Variants in IL1RAPL1 observed in about 807,000 individuals in gnomAD.
IL1RAPL1 encodes the protein interleukin 1 receptor accessory protein like 1, also known as interleukin-1 receptor accessory protein-like 1.
A neutral mutation model predicts 48.4 loss-of-function variants in IL1RAPL1; 3 were observed. The observed-to-expected ratio is 0.06, with a 90% CI of 0.03 to 0.16. IL1RAPL1 has a LOEUF of 0.16. Among genes scored for constraint, IL1RAPL1 ranks in the 10% least tolerant of loss-of-function variants. IL1RAPL1 has a pLI of 1.00. For synonymous variants in IL1RAPL1, 185 were observed against 187.7 expected (o/e 0.99, Z 0.12); for missense variants, 349 against 530.6 (o/e 0.66, Z 3.36).
chrX:29,263,712 C>G (rs1300885774), intron 2 of IL1RAPL1, among the ~76,000 whole-genome samples: 1 of 111,218 alleles, frequency 9.0e-6, no homozygotes, highest in Non-Finnish European at 1.9e-5. Context: ...AGAAAAGGCA[C>G]TAGAGACAGT....
chrX:29,442,411 C>T (rs1353184256), intron 5 of IL1RAPL1, among the ~76,000 whole-genome samples: 2 of 111,200 alleles, frequency 1.8e-5, no homozygotes, highest in Non-Finnish European at 1.9e-5. Context: ...GTATACTGCT[C>T]AGGTGATGGG....
intron 5 of IL1RAPL1, among the ~76,000 whole-genome samples, chrX:29,509,459 A>G (rs1017676630): frequency 1.8e-5 from 2 of 112,750 alleles, no homozygotes; most frequent in African/African-American, 6.5e-5. Context: ...ACAGGTATGA[A>G]CTTTTATTGT....
intron 5 of IL1RAPL1, among the ~76,000 whole-genome samples, chrX:29,487,572 G>A (rs749805737): frequency 1.8e-5 from 2 of 112,147 alleles, no homozygotes; most frequent in South Asian, 3.7e-4. Flanking sequence ...GTTTGCAACC[G>A]TAATAGTCCT....
At chrX:29,261,735 GTTC>G (rs769946877) in intron 2 of IL1RAPL1, among the ~76,000 whole-genome samples, 2 of 110,857 alleles carry the variant, frequency 1.8e-5, no homozygotes, top group Admixed American at 1.9e-4. Flanking sequence ...TGTTTGGAAT[GTTC>G]TTCTCGCACT....
At chrX:29,230,961 T>G (rs1185676517) in intron 2 of IL1RAPL1, among the ~76,000 whole-genome samples, 1 of 111,721 alleles carries the variant, frequency 9.0e-6, no homozygotes, top group Non-Finnish European at 1.9e-5. Context: ...TTAAGAGAGC[T>G]GTTGTAAGTA....
chrX:29,815,620 A>G (rs985802291), intron 6 of IL1RAPL1, among the ~76,000 whole-genome samples: 7 of 110,829 alleles, frequency 6.3e-5, no homozygotes, highest in African/African-American at 2.3e-4. Flanking sequence ...ATTATGTTGA[A>G]TAAGGGTGGT....
At chrX:29,719,095 G>A (rs923943992) in intron 6 of IL1RAPL1, among the ~76,000 whole-genome samples, 2 of 111,716 alleles carry the variant, frequency 1.8e-5, no homozygotes, top group African/African-American at 6.5e-5. Context: ...AATAATCATT[G>A]CTTGTTGATA....
chrX:29,005,230 C>T (rs1053253516), intron 2 of IL1RAPL1, among the ~76,000 whole-genome samples: 2 of 111,632 alleles, frequency 1.8e-5, no homozygotes, highest in Non-Finnish European at 3.8e-5. Context: ...ATTATTGGTA[C>T]GTTAGATGTT....
At chrX:29,079,960 C>T (rs1927764069) in intron 2 of IL1RAPL1, among the ~76,000 whole-genome samples, 1 of 111,552 alleles carries the variant, frequency 9.0e-6, no homozygotes, top group South Asian at 3.8e-4. Flanking sequence ...AATAATTCCT[C>T]CAAGAACCGT....
chrX:29,374,402 C>T (rs1239023250), intron 3 of IL1RAPL1, among the ~76,000 whole-genome samples: 2 of 102,259 alleles, frequency 2.0e-5, no homozygotes, highest in Non-Finnish European at 3.9e-5. Flanking sequence ...GCACAATGGG[C>T]TCAAGCAATT....
intron 3 of IL1RAPL1, among the ~76,000 whole-genome samples, chrX:29,355,717 T>A (rs1349778164): frequency 8.9e-6 from 1 of 112,086 alleles, no homozygotes; most frequent in East Asian, 2.8e-4. Context: ...AAAGACCGTA[T>A]CTGTGAGTTA....
intron 2 of IL1RAPL1, among the ~76,000 whole-genome samples, chrX:29,071,186 T>C: frequency 8.9e-6 from 1 of 112,041 alleles, no homozygotes; most frequent in Admixed American, 9.5e-5. Context: ...TGTTTGTATT[T>C]TTTGTTGTGA....
At chrX:28,819,504 A>G (rs749300155) in intron 2 of IL1RAPL1, among the ~76,000 whole-genome samples, 4 of 111,355 alleles carry the variant, frequency 3.6e-5, no homozygotes, top group African/African-American at 1.3e-4. Flanking sequence ...TAAAACAAAT[A>G]TATACACTCT....
intron 2 of IL1RAPL1, among the ~76,000 whole-genome samples, chrX:29,049,482 A>C (rs894414661): frequency 8.9e-6 from 1 of 112,045 alleles, no homozygotes; most frequent in Non-Finnish European, 1.9e-5. Flanking sequence ...GAGTGGTGCA[A>C]TGGAACCGTG....
intron 2 of IL1RAPL1, among the ~76,000 whole-genome samples, chrX:29,200,601 T>A (rs1268577055): frequency 9.0e-6 from 1 of 111,505 alleles, no homozygotes; most frequent in Non-Finnish European, 1.9e-5. Context: ...AATAAAATAA[T>A]GTTTTATCAT....
At chrX:29,717,078 A>G (rs1342371714) in intron 6 of IL1RAPL1, among the ~76,000 whole-genome samples, 1 of 111,050 alleles carries the variant, frequency 9.0e-6, no homozygotes, top group Non-Finnish European at 1.9e-5. Context: ...ACTATTGATA[A>G]GTCTTCATAG....
chrX:29,850,999 A>C (rs1166260589), intron 6 of IL1RAPL1, among the ~76,000 whole-genome samples: 1 of 111,649 alleles, frequency 9.0e-6, no homozygotes, highest in Non-Finnish European at 1.9e-5. Context: ...GGAATTTGAC[A>C]TCTGAATCCC....
At chrX:29,591,293 G>C (rs1923362272) in intron 5 of IL1RAPL1, among the ~76,000 whole-genome samples, 1 of 112,457 alleles carries the variant, frequency 8.9e-6, no homozygotes, top group Non-Finnish European at 1.9e-5. Flanking sequence ...TAGGCATTGT[G>C]ACAACGAGGT....
intron 1 of IL1RAPL1, among the ~76,000 whole-genome samples, chrX:28,714,821 G>A (rs148533897): frequency 0.016 from 1,778 of 112,014 alleles, 26 homozygotes; most frequent in Admixed American, 0.058. Flanking sequence ...TTTTTCAAAT[G>A]TGCCTTGTAT....
Sources: allele counts gnomAD v4.1 joint callset (sites outside exome capture counted in the v4.1 genomes callset), GRCh38; gene constraint gnomAD v4.1.1; transcripts MANE v1.5; gene names NCBI Gene and HGNC (gene_info 2026-07-23, HGNC 2026-07-21).